Variants in GORASP2 observed in about 807,000 individuals in gnomAD.
The protein encoded by GORASP2 is Golgi reassembly-stacking protein 2.
A neutral mutation model predicts 45.7 loss-of-function variants in GORASP2; 22 were observed. The observed-to-expected ratio is 0.48, with a 90% confidence interval of 0.34 to 0.69. The LOEUF (loss-of-function observed/expected upper bound fraction) is 0.69. Ranked by LOEUF, GORASP2 falls within the 30% of genes least tolerant of loss-of-function variation. The pLI is 0.01. For missense variants in GORASP2, 491 were observed against 562.7 expected (o/e 0.87, Z 1.29); for synonymous variants, 221 against 215.6 (o/e 1.02, Z -0.22).
rs754683482 is a variant in GORASP2 at position 170,929,336 on chromosome 2, C to T, written c.-5C>T. 5.9e-6 allele frequency: 8 copies of T among 1,366,134 alleles called. No individual in the cohort carries two copies. The highest frequency in any genetic ancestry group is 7.5e-6 in the Non-Finnish European group (8 of 1,059,846). The allele number at this position is 1,366,134 out of a possible 1,614,324, so 84.6% of individuals were successfully genotyped here. A position where few individuals can be genotyped will look rare whatever the true frequency, so the allele number is the denominator to read the frequency against. On this transcript the variant is annotated 5_prime_UTR_variant, in exon 1 of 10. Transcript: ENST00000234160. ...CCGGCTCGGCCACACCGATCGCCCG[C>T]CGCCATGGGCTCCTCGCAAAGCGTC...
At chr2:170,963,423 CCCGCTGCTA>C (rs1189807366) in intron 9 of GORASP2, among the ~76,000 whole-genome samples, 3 of 148,344 alleles carry the variant, frequency 2.0e-5, no homozygotes, top group Non-Finnish European at 3.0e-5. Flanking sequence ...TCTCTCAGTC[CCCGCTGCTA>C]CTGCTGCTGC....
At chr2:170,934,736 T>C (rs1703906698) in intron 1 of GORASP2, among the ~76,000 whole-genome samples, 1 of 152,060 alleles carries the variant, frequency 6.6e-6, no homozygotes, top group African/African-American at 2.4e-5. Context: ...TTTTTCTTTT[T>C]TGTTTGTTTG....
chr2:170,940,679 G>A (rs731692), intron 1 of GORASP2, among the ~76,000 whole-genome samples: 31,221 of 151,584 alleles, frequency 0.21, 3,875 homozygotes, highest in Non-Finnish European at 0.29. Context: ...TGGAGCAGAA[G>A]TATTAACGGT....
intron 1 of GORASP2, among the ~76,000 whole-genome samples, chr2:170,933,247 G>T (rs1057486894): frequency 3.3e-5 from 5 of 152,150 alleles, no homozygotes; most frequent in Admixed American, 1.3e-4. Flanking sequence ...TGCTCACTAT[G>T]AATGGCACTT....
intron 9 of GORASP2, among the ~76,000 whole-genome samples, chr2:170,963,775 T>C (rs181335030): frequency 6.6e-6 from 1 of 152,078 alleles, no homozygotes; most frequent in African/African-American, 2.4e-5. Context: ...CCCAAGTAGC[T>C]GGGACTACAT....
chr2:170,941,226 C>T (rs1456149538), intron 1 of GORASP2, among the ~76,000 whole-genome samples: 1 of 152,134 alleles, frequency 6.6e-6, no homozygotes, highest in Non-Finnish European at 1.5e-5. Flanking sequence ...ATAATTTCTT[C>T]TACCTATCCA....
At position 170,948,372 on chromosome 2, in the gene GORASP2, A is replaced by G. The variant is rs1311554889; in HGVS notation, c.86A>G (p.His29Arg). The change falls in exon 2 of 10, where the codon CAC becomes CGC. Residue 29 changes from histidine to arginine, a missense_variant. This residue lies in a region of GORASP2 where 194 missense variants were observed against 270.4 expected (regional missense o/e 0.72). Transcript: ENST00000234160. ...CAGGTACAAGAAAATTCCCCAGGAC[A>G]CAGAGCTGGTTTGGAGCCTTTCTTT... Reference protein sequence around the residue: ...VLRVQENSPGHRAGLEPFFDF... With the variant: ...VLRVQENSPGRRAGLEPFFDF... 1 of 1,601,678 alleles carries G rather than the reference A, an allele frequency of 6.2e-7. No homozygotes were observed. Among genetic ancestry groups the G allele is most frequent in the African/African-American group, 1.3e-5 (1 of 74,672 alleles).
chr2:170,929,903 AC>A (rs1461608261), intron 1 of GORASP2: 1 of 397,624 alleles, frequency 2.5e-6, no homozygotes. Flanking sequence ...GGCCTGAAAG[AC>A]CAGCAGGGCA....
chr2:170,963,977 TA>T (rs943990497), intron 9 of GORASP2, among the ~76,000 whole-genome samples: 6 of 152,068 alleles, frequency 3.9e-5, no homozygotes, highest in Non-Finnish European at 8.8e-5. Flanking sequence ...AAAATACATA[TA>T]AAAAAACAAA....
In GORASP2 at chr2:170,929,417, C is replaced by T; in HGVS notation, c.63+14C>T. On this transcript the variant is annotated intron_variant, in intron 1 of 9. Coordinates refer to ENST00000234160, the MANE Select transcript of GORASP2 (RefSeq NM_015530.5). Reference sequence around the variant, plus strand: ...CACGTTCTGCGGGTAAGGGCTCCGACGGCGGCCGGGGAGCTGCGGGCTGGA... The same window carrying T: ...CACGTTCTGCGGGTAAGGGCTCCGATGGCGGCCGGGGAGCTGCGGGCTGGA... 7.3e-7 allele frequency: 1 copy of T among 1,375,148 alleles called. No homozygotes were observed. The highest frequency in any genetic ancestry group is 2.5e-4 in the Middle Eastern group (1 of 3,956). 85.2% of individuals were successfully genotyped at this position (1,375,148 alleles called of 1,614,324 possible).
intron 5 of GORASP2, 135 bp downstream of exon 5, chr2:170,951,593 A>C: frequency 1.4e-6 from 1 of 708,506 alleles, no homozygotes; most frequent in Non-Finnish European, 2.3e-6. Context: ...GGGAAGAGCT[A>C]GTCTAGAATA....
chr2:170,961,606 G>C (rs1218811213), intron 7 of GORASP2, 57 bp from the exon 8 acceptor site: 1 of 934,338 alleles, frequency 1.1e-6, no homozygotes, highest in Non-Finnish European at 1.8e-6. Flanking sequence ...AATGTGTTCT[G>C]TTCATTTCTT....
chr2:170,936,339 A>G (rs999453005), intron 1 of GORASP2, among the ~76,000 whole-genome samples: 1 of 140,108 alleles, frequency 7.1e-6, no homozygotes, highest in Non-Finnish European at 1.5e-5. Context: ...TAATCCTTTT[A>G]TCTCAGCCTC....
At chr2:170,943,790 A>G (rs1044768164) in intron 1 of GORASP2, among the ~76,000 whole-genome samples, 1 of 152,040 alleles carries the variant, frequency 6.6e-6, no homozygotes. Flanking sequence ...CTCCCGCCTT[A>G]GCTTCCTGAG....
intron 1 of GORASP2, among the ~76,000 whole-genome samples, chr2:170,935,534 T>C (rs1559307136): frequency 6.6e-6 from 1 of 151,274 alleles, no homozygotes; most frequent in Non-Finnish European, 1.5e-5. Flanking sequence ...GGATTTCAGG[T>C]GGGAGCCACT....
rs181350674 is a variant in GORASP2 at position 170,954,811 on chromosome 2, C to A, written c.699+29C>A. 160 of 1,582,556 alleles carry A rather than the reference C, an allele frequency of 1.0e-4. 1 individual carries two copies. The highest frequency in any genetic ancestry group is 1.4e-4 in the Non-Finnish European group (157 of 1,159,288). On this transcript the variant is annotated intron_variant, in intron 6 of 9. Coordinates refer to ENST00000234160, the MANE Select transcript of GORASP2 (RefSeq NM_015530.5). ...AGATCACGTTCCTACCTGAGTATAT[C>A]ATAAAGTTTTTACCAAAACGAGTCA... is the stretch of plus-strand genomic sequence containing the variant.
chr2:170,958,709 G>T (rs1704485148), intron 7 of GORASP2, among the ~76,000 whole-genome samples: 1 of 143,218 alleles, frequency 7.0e-6, no homozygotes, highest in South Asian at 2.2e-4. Flanking sequence ...TGCCCAGGAA[G>T]GCTAGAGTAC....
At chr2:170,956,262 G>A (rs536535189) in intron 6 of GORASP2, among the ~76,000 whole-genome samples, 174 bp from the exon 7 acceptor site, 4 of 152,334 alleles carry the variant, frequency 2.6e-5, no homozygotes, top group South Asian at 2.1e-4. Flanking sequence ...TGCATGGTCC[G>A]TGACATGTAC....
At chr2:170,940,175 T>G (rs1334975451) in intron 1 of GORASP2, among the ~76,000 whole-genome samples, 1 of 152,238 alleles carries the variant, frequency 6.6e-6, no homozygotes, top group East Asian at 1.9e-4. Context: ...AATTTACATA[T>G]CAGCCAGAAA....
Sources: gnomAD v4.1 joint callset for allele counts (sites outside exome capture counted in the v4.1 genomes callset) on GRCh38, gnomAD v4.1.1 for gene constraint, gnomAD v4.1.1 regional missense constraint, MANE v1.5 for transcripts, NCBI Gene and HGNC (gene_info 2026-07-23, HGNC 2026-07-21) for gene names.